The following ZNF804A variants were observed in gnomAD, a reference collection of about 807,000 sequenced individuals.
ZNF804A encodes zinc finger protein 804A.
In ZNF804A, 2 loss-of-function variants were observed where a neutral mutation model predicts 16.5. That is an observed-to-expected ratio of 0.12 (90% confidence interval 0.05 to 0.38). ZNF804A has a LOEUF of 0.38. ZNF804A is among the 10% of genes least tolerant of loss of function. The pLI is 0.99. For synonymous variants in ZNF804A, 534 were observed against 489.6 expected (o/e 1.09, Z -1.20); for missense variants, 1,473 against 1,390.7 (o/e 1.06, Z -0.94).
intron 1 of ZNF804A, among the ~76,000 whole-genome samples, chr2:184,841,365 T>G (rs1695433904): frequency 6.6e-6 from 1 of 152,160 alleles, no homozygotes; most frequent in Non-Finnish European, 1.5e-5. Flanking sequence ...AAAATGATAT[T>G]TGCAGGCTAC....
chr2:184,794,394 C>T (rs1315706075), intron 1 of ZNF804A, among the ~76,000 whole-genome samples: 1 of 151,924 alleles, frequency 6.6e-6, no homozygotes, highest in Non-Finnish European at 1.5e-5. Flanking sequence ...CTATTCATGT[C>T]CTTAGCCCAC....
intron 1 of ZNF804A, among the ~76,000 whole-genome samples, chr2:184,819,875 T>C (rs1023009305): frequency 3.9e-5 from 6 of 151,994 alleles, no homozygotes; most frequent in Admixed American, 3.3e-4. Flanking sequence ...CAGGGAGAAA[T>C]TGAATCCCTG....
At chr2:184,619,759 T>A (rs1046323516) in intron 1 of ZNF804A, among the ~76,000 whole-genome samples, 3 of 151,888 alleles carry the variant, frequency 2.0e-5, no homozygotes, top group African/African-American at 7.2e-5. Flanking sequence ...ACAACCACAA[T>A]AAATTATCGT....
At chr2:184,627,960 T>C (rs988911453) in intron 1 of ZNF804A, among the ~76,000 whole-genome samples, 6 of 152,210 alleles carry the variant, frequency 3.9e-5, no homozygotes, top group African/African-American at 1.2e-4. Flanking sequence ...TGGAGTTTCT[T>C]ATGTATAACT....
chr2:184,893,287 C>T (rs1339778748), intron 2 of ZNF804A, among the ~76,000 whole-genome samples: 1 of 151,902 alleles, frequency 6.6e-6, no homozygotes, highest in Non-Finnish European at 1.5e-5. Context: ...AGTATGAGTC[C>T]TAACCAACTT....
chr2:184,652,988 A>T (rs1358323092), intron 1 of ZNF804A, among the ~76,000 whole-genome samples: 1 of 151,864 alleles, frequency 6.6e-6, no homozygotes, highest in African/African-American at 2.4e-5. Flanking sequence ...ACTGTGAGTC[A>T]ATTAAACCTC....
chr2:184,695,261 AC>A (rs1385494796), intron 1 of ZNF804A, among the ~76,000 whole-genome samples: 8 of 152,014 alleles, frequency 5.3e-5, no homozygotes, highest in African/African-American at 7.2e-5. Flanking sequence ...GGAGATCGAG[AC>A]CATCCTGGCT....
chr2:184,708,679 A>G (rs571640156), intron 1 of ZNF804A, among the ~76,000 whole-genome samples: 1 of 152,294 alleles, frequency 6.6e-6, no homozygotes, highest in Admixed American at 6.5e-5. Flanking sequence ...GAAATTCTAT[A>G]TAATAACTTA....
At chr2:184,856,140 G>T (rs1351491762) in intron 1 of ZNF804A, among the ~76,000 whole-genome samples, 1 of 151,868 alleles carries the variant, frequency 6.6e-6, no homozygotes, top group African/African-American at 2.4e-5. Flanking sequence ...TTTTTTCAAG[G>T]ACTAGAGCAG....
intron 1 of ZNF804A, among the ~76,000 whole-genome samples, chr2:184,851,241 T>C (rs1027170605): frequency 3.3e-5 from 5 of 151,884 alleles, no homozygotes; most frequent in African/African-American, 1.2e-4. Context: ...TGCAATACAT[T>C]GTTATTAAGT....
chr2:184,842,992 T>C (rs1484322756), intron 1 of ZNF804A, among the ~76,000 whole-genome samples: 1 of 152,168 alleles, frequency 6.6e-6, no homozygotes, highest in Non-Finnish European at 1.5e-5. Flanking sequence ...TGAGCTCATG[T>C]CTTGCCCTTT....
At chr2:184,627,295 T>C (rs1691521385) in intron 1 of ZNF804A, among the ~76,000 whole-genome samples, 1 of 152,166 alleles carries the variant, frequency 6.6e-6, no homozygotes, top group Non-Finnish European at 1.5e-5. Context: ...AAATTTCATG[T>C]TTGTGTTTTT....
intron 1 of ZNF804A, among the ~76,000 whole-genome samples, chr2:184,815,196 G>T (rs987355688): frequency 6.6e-6 from 1 of 151,764 alleles, no homozygotes; most frequent in African/African-American, 2.4e-5. Context: ...ATTATCCACA[G>T]ATTAAGTAAT....
Position 184,938,397 on chromosome 2 carries a change from A to G in ZNF804A, c.3001A>G (p.Thr1001Ala). 6.2e-7 allele frequency: 1 copy of G among 1,614,104 alleles called. No homozygotes were observed. Among genetic ancestry groups the G allele is most frequent in the Non-Finnish European group, 8.5e-7 (1 of 1,180,022 alleles). ...GCGTTATAATTCAGGAATCCTTAAC[A>G]CACAACCACCATTACCATTCAAAGA... ...WLRYNSGILNTQPPLPFKEAH... is the reference protein window; with the variant it reads ...WLRYNSGILNAQPPLPFKEAH... Residue 1001 changes from threonine to alanine, a missense_variant, in exon 4 of 4, where the codon ACA becomes GCA. Transcript: ENST00000302277.
At chr2:184,773,323 C>T (rs1413482797) in intron 1 of ZNF804A, among the ~76,000 whole-genome samples, 1 of 151,726 alleles carries the variant, frequency 6.6e-6, no homozygotes, top group African/African-American at 2.4e-5. Context: ...TCTCACACCT[C>T]TGCTGTGAAA....
chr2:184,852,341 C>T (rs1243673015), intron 1 of ZNF804A, among the ~76,000 whole-genome samples: 2 of 150,840 alleles, frequency 1.3e-5, no homozygotes, highest in Non-Finnish European at 3.0e-5. Context: ...CTACTGAAAG[C>T]AAAACTATGG....
chr2:184,730,658 G>A (rs1375607686), intron 1 of ZNF804A, among the ~76,000 whole-genome samples: 1 of 152,038 alleles, frequency 6.6e-6, no homozygotes, highest in Non-Finnish European at 1.5e-5. Flanking sequence ...TCTTTTACTT[G>A]GTGCTATGTA....
chr2:184,735,052 T>C (rs1339928636), intron 1 of ZNF804A, among the ~76,000 whole-genome samples: 1 of 152,170 alleles, frequency 6.6e-6, no homozygotes, highest in Non-Finnish European at 1.5e-5. Flanking sequence ...CAGGTCTTTA[T>C]ATTTAAAGTG....
chr2:184,733,110 T>C (rs1010450658), intron 1 of ZNF804A, among the ~76,000 whole-genome samples: 3 of 152,276 alleles, frequency 2.0e-5, no homozygotes, highest in Middle Eastern at 3.4e-3. Context: ...TTCCTGATCT[T>C]AGTCAGAAGG....
Sources: gnomAD v4.1 joint callset for allele counts (sites outside exome capture counted in the v4.1 genomes callset) on GRCh38, gnomAD v4.1.1 for gene constraint, MANE v1.5 for transcripts, NCBI Gene and HGNC (gene_info 2026-07-23, HGNC 2026-07-21) for gene names.